The following NDC1 variants were observed in gnomAD, a reference collection of about 807,000 sequenced individuals.
NDC1 encodes the protein NDC1 transmembrane nucleoporin, also known as nucleoporin NDC1.
Under a neutral mutation model 89.8 loss-of-function variants are expected in NDC1, and 24 were observed. The ratio of observed to expected loss-of-function variants is 0.27; its 90% CI spans 0.19 to 0.38. The LOEUF is 0.38. Among genes scored for constraint, NDC1 ranks in the 10% least tolerant of loss-of-function variants. The pLI is 1.00. For missense variants in NDC1, 728 were observed against 797.6 expected (o/e 0.91, Z 1.05); for synonymous variants, 296 against 284.8 (o/e 1.04, Z -0.39).
At chr1:53,785,585 T>G (rs1222493963) in intron 16 of NDC1, among the ~76,000 whole-genome samples, 1 of 152,168 alleles carries the variant, frequency 6.6e-6, no homozygotes, top group African/African-American at 2.4e-5. Context: ...TATCTTTTAT[T>G]TTTTTGAGAC....
intron 4 of NDC1, among the ~76,000 whole-genome samples, chr1:53,827,682 G>C (rs1024315493): frequency 6.6e-6 from 1 of 152,108 alleles, no homozygotes; most frequent in Non-Finnish European, 1.5e-5. Flanking sequence ...CACAGGTTTT[G>C]TCTGCACATC....
At chr1:53,774,854 G>A (rs1045070179) in intron 16 of NDC1, among the ~76,000 whole-genome samples, 15 of 152,042 alleles carry the variant, frequency 9.9e-5, no homozygotes, top group African/African-American at 3.6e-4. Context: ...TCATGCCACT[G>A]TACTCGAGCC....
At chr1:53,830,458 A>T (rs541318955) in intron 3 of NDC1, among the ~76,000 whole-genome samples, 2 of 152,032 alleles carry the variant, frequency 1.3e-5, no homozygotes, top group South Asian at 4.1e-4. Context: ...CATCTTGGAG[A>T]CCAAAAACAG....
chr1:53,803,725 C>T (rs1459732928), intron 10 of NDC1, among the ~76,000 whole-genome samples: 1 of 152,204 alleles, frequency 6.6e-6, no homozygotes, highest in Non-Finnish European at 1.5e-5. Context: ...GCGCCCGCCA[C>T]CACGCCCGGC....
chr1:53,817,011 G>T (rs549934993), intron 6 of NDC1, among the ~76,000 whole-genome samples: 1 of 152,108 alleles, frequency 6.6e-6, no homozygotes, highest in South Asian at 2.1e-4. Context: ...GCGTGGATGC[G>T]GTCAACAAGG....
intron 13 of NDC1, among the ~76,000 whole-genome samples, chr1:53,795,829 C>T (rs1305439924): frequency 6.6e-6 from 1 of 152,198 alleles, no homozygotes; most frequent in Non-Finnish European, 1.5e-5. Flanking sequence ...ATATAAGTTA[C>T]ATCATATCAT....
At position 53,835,538 on chromosome 1, in the gene NDC1, C is replaced by T; in HGVS notation, c.140G>A (p.Ser47Asn). ...PICTTVFIIF[S>N]RIDLFHPIQW... is the part of the protein sequence containing the mutation. Reference sequence around the variant, plus strand: ...TATAGGATGAAACAAATCAATCCTGCTGAAAATTATAAATACTGTGGTGCA... The same window carrying T: ...TATAGGATGAAACAAATCAATCCTGTTGAAAATTATAAATACTGTGGTGCA... Residue 47 changes from serine to asparagine, a missense_variant, in exon 2 of 18, where the codon AGC becomes AAC. Ser to Asn is a conservative substitution (Grantham distance 46). Coordinates refer to ENST00000371429, the MANE Select transcript of NDC1 (RefSeq NM_018087.5). 2 of 1,613,548 alleles carry T rather than the reference C, an allele frequency of 1.2e-6. No individual in the cohort carries two copies. The highest frequency in any genetic ancestry group is 1.7e-6 in the Non-Finnish European group (2 of 1,179,686).
At chr1:53,798,142 TTA>T (rs1557575723) in intron 11 of NDC1, among the ~76,000 whole-genome samples, 184 of 103,758 alleles carry the variant, frequency 1.8e-3, no homozygotes, top group Non-Finnish European at 2.6e-3. Flanking sequence ...CTTCTTTTTA[TTA>T]TTATTATTAT....
Position 53,796,721 on chromosome 1 carries a change from T to G in NDC1, c.1552A>C (p.Ile518Leu). The change falls in exon 13 of 18, where the codon ATT becomes CTT. Residue 518 changes from isoleucine to leucine, a missense_variant. Ile to Leu is a conservative substitution (Grantham distance 5). Transcript: ENST00000371429. ...CGTTTATTCTGAATCCATGAATAAA[T>G]CACACTGGGTTGTCTCATTGTCTTA... is the stretch of plus-strand genomic sequence containing the variant. ...EGKTMRQPSV[I>L]YSWIQNKREQ... 1 of 1,608,370 alleles carries G rather than the reference T, an allele frequency of 6.2e-7. No individual in the cohort carries two copies. Among genetic ancestry groups the G allele is most frequent in the South Asian group, 1.1e-5 (1 of 90,234 alleles).
chr1:53,793,416 ATACT>A (rs1017268532), intron 13 of NDC1, 137 bp from the exon 14 acceptor site: 22 of 711,380 alleles, frequency 3.1e-5, no homozygotes, highest in Middle Eastern at 4.1e-4. Context: ...AAGAATAATA[ATACT>A]TAAACAATAC....
At chr1:53,793,206 A>G in intron 14 of NDC1, 23 bp downstream of exon 14, 1 of 1,580,680 alleles carries the variant, frequency 6.3e-7, no homozygotes, top group Non-Finnish European at 8.7e-7. Context: ...CCCATTCCCA[A>G]CGCTATAACC....
chr1:53,781,337 AT>A (rs1270420043), intron 16 of NDC1, among the ~76,000 whole-genome samples: 1 of 152,246 alleles, frequency 6.6e-6, no homozygotes, highest in Non-Finnish European at 1.5e-5. Flanking sequence ...TTGTATTTTA[AT>A]TAACCAAAAC....
chr1:53,809,627 C>A, intron 7 of NDC1, 68 bp downstream of exon 7: 1 of 1,200,636 alleles, frequency 8.3e-7, no homozygotes, highest in African/African-American at 1.5e-5. Context: ...AACAAAATAT[C>A]TGGAAAATAG....
At chr1:53,816,300 T>C (rs1023817626) in intron 6 of NDC1, among the ~76,000 whole-genome samples, 5 of 152,000 alleles carry the variant, frequency 3.3e-5, no homozygotes, top group Admixed American at 6.6e-5. Context: ...ACCCAAATAC[T>C]TTCAGCCAAC....
chr1:53,795,010 C>T (rs1157805250), intron 13 of NDC1, among the ~76,000 whole-genome samples: 1 of 152,182 alleles, frequency 6.6e-6, no homozygotes, highest in Non-Finnish European at 1.5e-5. Flanking sequence ...ACCAATCTCT[C>T]CTGAACTCAT....
chr1:53,768,628 T>C (rs569264117), intron 17 of NDC1, among the ~76,000 whole-genome samples: 2 of 152,322 alleles, frequency 1.3e-5, no homozygotes, highest in African/African-American at 4.8e-5. Flanking sequence ...CTGAAACTAG[T>C]ATAATACTTC....
chr1:53,812,593 A>C (rs1170127233), intron 6 of NDC1, among the ~76,000 whole-genome samples: 1 of 152,240 alleles, frequency 6.6e-6, no homozygotes. Context: ...AAGGTCTCCA[A>C]GAAGTCTGGG....
At position 53,790,191 on chromosome 1, in the gene NDC1, C is replaced by G. The variant is rs185957620; in HGVS notation, c.1636-995G>C. Among the ~76,000 whole-genome samples the G allele has an allele frequency of 3.9e-3, 570 of 147,850 alleles. 4 individuals carry two copies. The highest frequency in any genetic ancestry group is 0.035 in the South Asian group (163 of 4,632). On this transcript the variant is annotated intron_variant, in intron 14 of 17. Transcript: ENST00000371429. The stretch of plus-strand genomic sequence containing the variant: ...ACCAGCCTGGCCAACATGGCGAAAC[C>G]CTGTCTCCACTAAAAATAGAAAAAT...
chr1:53,777,062 C>G lies in NDC1; in HGVS notation c.1801-4573G>C, dbSNP rs138214202. 6.9e-3 allele frequency among the ~76,000 whole-genome samples: 1,041 copies of G among 151,690 alleles called. 4 individuals carry two copies. The highest frequency in any genetic ancestry group is 0.024 in the South Asian group (118 of 4,826). ...TTTTTTTTAGAGACAGGGTCTCACT[C>G]TGTTGCCCAGGCTGAAGTGCAGTAG... On this transcript the variant is annotated intron_variant, in intron 16 of 17. Transcript: ENST00000371429.
Sources: gnomAD v4.1 joint callset for allele counts (sites outside exome capture counted in the v4.1 genomes callset) on GRCh38, gnomAD v4.1.1 for gene constraint, MANE v1.5 for transcripts, NCBI Gene and HGNC (gene_info 2026-07-23, HGNC 2026-07-21) for gene names.